MAVS: variants seen among roughly 807,000 people sequenced by gnomAD.
The protein encoded by MAVS is mitochondrial antiviral signaling protein.
Under a neutral mutation model 30.2 loss-of-function variants are expected in MAVS, and 20 were observed. That is an observed-to-expected ratio of 0.66 (90% CI 0.47 to 0.96). The LOEUF (loss-of-function observed/expected upper bound fraction) is 0.96. Ranked by LOEUF, MAVS falls within the 40% of genes least tolerant of loss-of-function variation. The pLI is 0.00. For synonymous variants in MAVS, 278 were observed against 293.9 expected, an observed-to-expected ratio of 0.95 and a Z score of 0.55; for missense variants, 624 against 701.1, an observed-to-expected ratio of 0.89 and a Z score of 1.24.
At position 3,865,585 on chromosome 20, in the gene MAVS, A is replaced by C; in HGVS notation, c.1159-98A>C. 1 of 1,107,492 alleles carries C rather than the reference A, an allele frequency of 9.0e-7. No homozygotes were observed. The allele number at this position is 1,107,492 out of a possible 1,614,324, so 68.6% of individuals were successfully genotyped here. Reference sequence around the variant, plus strand: ...TATAGATTGGGAATTGAGGGGTTGGAGTGTTAGTTCATGCCCTGGCCTGGG... The same window carrying C: ...TATAGATTGGGAATTGAGGGGTTGGCGTGTTAGTTCATGCCCTGGCCTGGG... On this transcript the variant is annotated intron_variant, in intron 6 of 6. Transcript: ENST00000428216. The surrounding 1 kb of genome is among the most constrained non-coding windows in gnomAD (Gnocchi z 4.7).
Position 3,874,376 on chromosome 20 carries a change from T to C in MAVS, c.*8229T>C, listed in dbSNP as rs2089976027. 2 of 396,938 alleles carry C rather than the reference T, an allele frequency of 5.0e-6. No individual in the cohort carries two copies. The highest frequency in any genetic ancestry group is 4.4e-5 in the Admixed American group (1 of 22,654). The allele number at this position is 396,938 out of a possible 1,614,324, so 24.6% of individuals were successfully genotyped here. A position where few individuals can be genotyped will look rare whatever the true frequency, so the allele number is the denominator to read the frequency against. On this transcript the variant is annotated 3_prime_UTR_variant, in exon 7 of 7. Coordinates refer to ENST00000428216, the MANE Select transcript of MAVS (RefSeq NM_020746.5). ...GTTTCCAGACTCCCTGTTGGAGATG[T>C]GGAAATAAAAACCACCTAAACAAGA...
rs564236790 is a variant in MAVS at position 3,849,355 on chromosome 20, G to A, written c.-68+2452G>A. Among the ~76,000 whole-genome samples, 24 of 151,946 alleles carry A rather than the reference G, an allele frequency of 1.6e-4. No individual in the cohort carries two copies. In the South Asian group the frequency reaches 2.5e-3, roughly 16 times the overall value. ...CTCCCGAGTAGCTGGGATTACAGGC[G>A]CCCACCACCATGCTAATTTTTGTAT... On this transcript the variant is annotated intron_variant, in intron 1 of 6. Transcript: ENST00000428216.
intron 5 of MAVS, among the ~76,000 whole-genome samples, chr20:3,863,356 C>G (rs76013180): frequency 1.3e-5 from 2 of 152,146 alleles, no homozygotes; most frequent in Non-Finnish European, 2.9e-5. Flanking sequence ...CCTCAGTGCC[C>G]TGGGACAGCC....
chr20:3,856,770 A>T (rs2089814541), intron 2 of MAVS, among the ~76,000 whole-genome samples: 1 of 151,686 alleles, frequency 6.6e-6, no homozygotes, highest in African/African-American at 2.4e-5. Context: ...ACGGTGGCTC[A>T]CGCCTGTAAT....
In MAVS at chr20:3,854,607, TC is replaced by T; in HGVS notation, c.-16del. ...CCCTTCATGGGGCCAGAGCCCTCTC[TC>T]CAGAATCTGAGCAGCAATGCCGTTT... On this transcript the variant is annotated 5_prime_UTR_variant, in exon 2 of 7. The change creates a premature stop within an existing upstream ORF in the 5' untranslated region. Transcript: ENST00000428216. The T allele has an allele frequency of 6.3e-7, 1 of 1,587,912 alleles. No individual in the cohort carries two copies. The highest frequency in any genetic ancestry group is 1.1e-5 in the South Asian group (1 of 90,030).
chr20:3,861,759 G>A (rs781662820), intron 4 of MAVS, among the ~76,000 whole-genome samples: 1 of 151,932 alleles, frequency 6.6e-6, no homozygotes, highest in Non-Finnish European at 1.5e-5. Flanking sequence ...GTGTGTGTGT[G>A]TGTGTGTGTG....
intron 6 of MAVS, among the ~76,000 whole-genome samples, 176 bp downstream of exon 6, chr20:3,864,964 A>G (rs1445395834): frequency 6.6e-6 from 1 of 152,180 alleles, no homozygotes; most frequent in Non-Finnish European, 1.5e-5. Context: ...CAGGCCCCAC[A>G]CCATGTTCTC....
At chr20:3,857,933 G>A (rs1327244971) in intron 3 of MAVS, 124 bp downstream of exon 3, 1 of 1,109,932 alleles carries the variant, frequency 9.0e-7, no homozygotes, top group Non-Finnish European at 1.3e-6. Flanking sequence ...GTGAAGCGAT[G>A]AATAAACCTG....
Position 3,870,741 on chromosome 20 carries a change from T to C in MAVS, c.*4594T>C, listed in dbSNP as rs1408376453. On this transcript the variant is annotated 3_prime_UTR_variant, in exon 7 of 7. Coordinates refer to ENST00000428216, the MANE Select transcript of MAVS (RefSeq NM_020746.5). ...TAATAGCTTCCTTTGAGCAACATTA[T>C]TTATTATGAACTTTCAAACACAAAA... is the stretch of plus-strand genomic sequence containing the variant. 3 of 150,602 alleles carry C rather than the reference T, an allele frequency of 2.0e-5. No individual in the cohort carries two copies. Among genetic ancestry groups the C allele is most frequent in the Non-Finnish European group, 4.4e-5 (3 of 67,890 alleles). The allele number at this position is 150,602 out of a possible 1,614,324, so 9.3% of individuals were successfully genotyped here. A position where few individuals can be genotyped will look rare whatever the true frequency, so the allele number is the denominator to read the frequency against.
chr20:3,853,355 G>A (rs1425002094), intron 1 of MAVS, among the ~76,000 whole-genome samples: 1 of 151,186 alleles, frequency 6.6e-6, no homozygotes, highest in Non-Finnish European at 1.5e-5. Context: ...GCGTGGTGGC[G>A]GGCGCCTGTC....
At chr20:3,861,593 G>C in intron 4 of MAVS, 89 bp downstream of exon 4, 1 of 1,382,022 alleles carries the variant, frequency 7.2e-7, no homozygotes, top group Non-Finnish European at 9.9e-7. Flanking sequence ...ACCCTCTCCC[G>C]TCCCCTATAA....
At chr20:3,859,006 C>T (rs2089837991) in intron 3 of MAVS, among the ~76,000 whole-genome samples, 1 of 151,908 alleles carries the variant, frequency 6.6e-6, no homozygotes, top group East Asian at 1.9e-4. Context: ...CACTATGTTG[C>T]CCAGGCTGGT....
rs2089940431 is a variant in MAVS at position 3,869,800 on chromosome 20, T to C, written c.*3653T>C. 1 of 152,048 alleles carries C rather than the reference T, an allele frequency of 6.6e-6. No individual in the cohort carries two copies. Among genetic ancestry groups the C allele is most frequent in the East Asian group, 1.9e-4 (1 of 5,190 alleles). The allele number at this position is 152,048 out of a possible 1,614,324, so 9.4% of individuals were successfully genotyped here. ...TCGTATTTTTAGTAGAGACGGGGTTTCTCCATGTTGGCCAGGCTGTTCTTG... is the reference window on the plus strand; with the variant it reads ...TCGTATTTTTAGTAGAGACGGGGTTCCTCCATGTTGGCCAGGCTGTTCTTG... On this transcript the variant is annotated 3_prime_UTR_variant, in exon 7 of 7. Coordinates refer to ENST00000428216, the MANE Select transcript of MAVS (RefSeq NM_020746.5).
intron 3 of MAVS, among the ~76,000 whole-genome samples, chr20:3,858,399 G>A (rs918911999): frequency 9.2e-5 from 14 of 152,110 alleles, no homozygotes; most frequent in South Asian, 4.1e-4. Context: ...ATGGGAGGAG[G>A]CTGGGCGCGG....
chr20:3,865,599 C>A lies in MAVS; in HGVS notation c.1159-84C>A, dbSNP rs2089899674. The A allele has an allele frequency of 4.7e-6, 6 of 1,283,964 alleles. No individual in the cohort carries two copies. The Admixed American group carries it at 7.7e-5, about 16-fold the overall frequency. 79.5% of individuals were successfully genotyped at this position (1,283,964 alleles called of 1,614,324 possible). ...TGAGGGGTTGGAGTGTTAGTTCATG[C>A]CCTGGCCTGGGAATGGGACCGCCCT... On this transcript the variant is annotated intron_variant, in intron 6 of 6. Transcript: ENST00000428216. The surrounding 1 kb of genome is among the most constrained non-coding windows in gnomAD (Gnocchi z 4.7).
rs779766244 is a variant in MAVS, at chr20:3,865,870, TGG to T, written c.1349_1350del (p.Gly450AlafsTer9). The T allele has an allele frequency of 6.2e-7, 1 of 1,614,050 alleles. No homozygotes were observed. The highest frequency in any genetic ancestry group is 8.5e-7 in the Non-Finnish European group (1 of 1,180,028). On this transcript the variant is annotated frameshift_variant, in exon 7 of 7. Transcript: ENST00000428216. LOFTEE classifies it low-confidence loss of function (END_TRUNC). This position sits in a 1 kb window ranked among gnomAD's most constrained non-coding sequence, Gnocchi z 4.7. ...ATCAGTGCCAGCACCTCCTTGGGCA[TGG>T]GGCCCTGCCATGGCCCAGAGGAGAA...
In MAVS at chr20:3,865,958, C is replaced by T; in HGVS notation, c.1434C>T (p.Leu478=). 1.9e-6 allele frequency: 3 copies of T among 1,613,690 alleles called. No individual in the cohort carries two copies. The highest frequency in any genetic ancestry group is 1.7e-6 in the Non-Finnish European group (2 of 1,179,970). Residue 478 remains leucine, a synonymous_variant, in exon 7 of 7, where the codon CTC becomes CTT. Coordinates refer to ENST00000428216, the MANE Select transcript of MAVS (RefSeq NM_020746.5). The surrounding 1 kb of genome is among the most constrained non-coding windows in gnomAD (Gnocchi z 4.7). Reference sequence around the variant, plus strand: ...TGGCTGAGAACCCCAGCATCCAGCTCCTGGAGGGCAACCCTGGGCCACCTG... The same window carrying T: ...TGGCTGAGAACCCCAGCATCCAGCTTCTGGAGGGCAACCCTGGGCCACCTG... The part of the protein sequence containing the change: ...IHVAENPSIQ[L]LEGNPGPPAD...
chr20:3,860,184 G>A (rs73082598), intron 3 of MAVS, among the ~76,000 whole-genome samples: 1 of 151,570 alleles, frequency 6.6e-6, no homozygotes, highest in Non-Finnish European at 1.5e-5. Context: ...GGGGCGGGGG[G>A]TGTACCCAAG....
rs1047185288 is a variant in MAVS at position 3,874,105 on chromosome 20, C to G, written c.*7958C>G. 6 of 398,486 alleles carry G rather than the reference C, an allele frequency of 1.5e-5. No homozygotes were observed. The South Asian group carries it at 6.4e-4, about 42-fold the overall frequency. 24.7% of individuals were successfully genotyped at this position (398,486 alleles called of 1,614,324 possible). On this transcript the variant is annotated 3_prime_UTR_variant, in exon 7 of 7. Coordinates refer to ENST00000428216, the MANE Select transcript of MAVS (RefSeq NM_020746.5). Reference sequence around the variant, plus strand: ...CAGCAACGAATATGAATGAAAATATCGCTATGCACAGCAACATGGATAAAT... The same window carrying G: ...CAGCAACGAATATGAATGAAAATATGGCTATGCACAGCAACATGGATAAAT...
Sources: allele counts gnomAD v4.1 joint callset (sites outside exome capture counted in the v4.1 genomes callset), GRCh38; gene constraint gnomAD v4.1.1; non-coding constraint Gnocchi (gnomAD v3.1); transcripts MANE v1.5; gene names NCBI Gene and HGNC (gene_info 2026-07-23, HGNC 2026-07-21).